Variants in TAFA2 observed in about 807,000 individuals in gnomAD.
TAFA2 encodes chemokine-like protein TAFA-2.
TAFA2 carries 7 observed loss-of-function variants against 18.8 expected under a neutral mutation model. The ratio of observed to expected loss-of-function variants is 0.37; its 90% CI spans 0.21 to 0.70. TAFA2 has a LOEUF of 0.70. TAFA2 is among the 30% of genes least tolerant of loss of function. The pLI is 0.53. For synonymous variants in TAFA2, 60 were observed against 54.2 expected, an observed-to-expected ratio of 1.11 and a Z score of -0.47; for missense variants, 122 against 158.1, an observed-to-expected ratio of 0.77 and a Z score of 1.23.
chr12:62,252,770 G>C (rs754819904), intron 1 of TAFA2: 3 of 152,168 alleles, frequency 2.0e-5, no homozygotes, highest in Non-Finnish European at 4.4e-5. Context: ...GAATCACATG[G>C]TCACGTGCTC....
chr12:61,850,592 G>A (rs934824808), intron 2 of TAFA2, among the ~76,000 whole-genome samples: 1 of 151,890 alleles, frequency 6.6e-6, no homozygotes, highest in Admixed American at 6.6e-5. Context: ...ACCAACACCA[G>A]GAAATCTATC....
chr12:62,206,898 G>A (rs894938091), intron 1 of TAFA2: 2 of 152,060 alleles, frequency 1.3e-5, no homozygotes, highest in Non-Finnish European at 1.5e-5. Flanking sequence ...ATGTTTCAAA[G>A]TATTGAGTTC....
At chr12:61,954,493 T>C (rs775954922) in intron 1 of TAFA2, among the ~76,000 whole-genome samples, 7 of 152,138 alleles carry the variant, frequency 4.6e-5, no homozygotes, top group Non-Finnish European at 1.0e-4. Context: ...TGGATTTGGT[T>C]ATTCTCAATA....
chr12:62,188,650 G>A (rs758845071), intron 1 of TAFA2, among the ~76,000 whole-genome samples: 1 of 151,980 alleles, frequency 6.6e-6, no homozygotes, highest in Non-Finnish European at 1.5e-5. Flanking sequence ...CCTTAAATGT[G>A]TATTTTAACA....
intron 1 of TAFA2, among the ~76,000 whole-genome samples, chr12:62,054,079 A>T (rs1211447856): frequency 1.3e-5 from 2 of 152,234 alleles, no homozygotes; most frequent in African/African-American, 4.8e-5. Flanking sequence ...AGCTCAACTC[A>T]GCATACATGA....
chr12:62,228,812 T>C (rs1218270824), intron 1 of TAFA2, among the ~76,000 whole-genome samples: 1 of 152,168 alleles, frequency 6.6e-6, no homozygotes, highest in East Asian at 1.9e-4. Flanking sequence ...TTGGGTAGCA[T>C]TGACATTTTA....
intron 2 of TAFA2, among the ~76,000 whole-genome samples, chr12:61,812,123 G>C (rs535918001): frequency 1.3e-5 from 2 of 151,336 alleles, no homozygotes; most frequent in East Asian, 1.9e-4. Context: ...AACCTGGCCT[G>C]GGAGTTTCCA....
chr12:61,935,341 C>G (rs1267322867), intron 1 of TAFA2, among the ~76,000 whole-genome samples: 1 of 149,094 alleles, frequency 6.7e-6, no homozygotes, highest in African/African-American at 2.6e-5. Flanking sequence ...CTGTCTATAT[C>G]TTTGGAAAAT....
At chr12:62,206,212 C>A (rs2062691057) in intron 1 of TAFA2, among the ~76,000 whole-genome samples, 1 of 152,114 alleles carries the variant, frequency 6.6e-6, no homozygotes, top group Non-Finnish European at 1.5e-5. Context: ...AACCAGCCAG[C>A]CTAGATATTT....
intron 1 of TAFA2, among the ~76,000 whole-genome samples, chr12:62,033,420 T>A (rs1026392080): frequency 4.6e-5 from 7 of 152,176 alleles, no homozygotes; most frequent in African/African-American, 1.4e-4. Flanking sequence ...TTGCTTTTTG[T>A]AATTGCACAT....
intron 2 of TAFA2, among the ~76,000 whole-genome samples, chr12:61,826,487 A>C (rs140576758): frequency 6.6e-6 from 1 of 152,164 alleles, no homozygotes; most frequent in East Asian, 1.9e-4. Flanking sequence ...AAACTGTTGA[A>C]ATAAAAGAAA....
intron 1 of TAFA2, among the ~76,000 whole-genome samples, chr12:61,950,408 C>T (rs1208132063): frequency 6.6e-6 from 1 of 152,138 alleles, no homozygotes; most frequent in Non-Finnish European, 1.5e-5. Context: ...TGGAATTCTC[C>T]ACATTCTTGC....
At chr12:62,232,470 G>C (rs2062815739) in intron 1 of TAFA2, among the ~76,000 whole-genome samples, 1 of 152,170 alleles carries the variant, frequency 6.6e-6, no homozygotes, top group Admixed American at 6.5e-5. Flanking sequence ...CTCATAGCCA[G>C]GAAATGGCAG....
At chr12:62,198,423 G>T (rs1163142702) in intron 1 of TAFA2, 1 of 152,164 alleles carries the variant, frequency 6.6e-6, no homozygotes, top group Non-Finnish European at 1.5e-5. Context: ...TCATTAGTAA[G>T]AATAAAGAGA....
At chr12:62,134,180 C>T (rs920574990) in intron 1 of TAFA2, among the ~76,000 whole-genome samples, 1 of 151,936 alleles carries the variant, frequency 6.6e-6, no homozygotes, top group Non-Finnish European at 1.5e-5. Context: ...CCCTGACAAA[C>T]CTACAGCCTT....
intron 2 of TAFA2, among the ~76,000 whole-genome samples, chr12:61,810,974 C>A (rs886956074): frequency 2.0e-5 from 3 of 150,154 alleles, no homozygotes; most frequent in Non-Finnish European, 2.9e-5. Flanking sequence ...GTTAATCTAT[C>A]GAGAATTGAT....
chr12:61,886,367 AC>A (rs549812727), intron 1 of TAFA2, among the ~76,000 whole-genome samples: 7 of 151,198 alleles, frequency 4.6e-5, no homozygotes, highest in Non-Finnish European at 7.4e-5. Flanking sequence ...TCTCGCTACC[AC>A]CCCCCTGCCC....
chr12:61,796,553 G>T (rs1416555125), intron 2 of TAFA2, among the ~76,000 whole-genome samples: 1 of 152,102 alleles, frequency 6.6e-6, no homozygotes, highest in East Asian at 1.9e-4. Context: ...ACTGGGAAGA[G>T]TAGGGAGGAG....
Position 62,021,630 on chromosome 12 carries a change from G to A in TAFA2, c.-1-154204C>T, listed in dbSNP as rs1359386339. 3 of 1,147,124 alleles carry A rather than the reference G, an allele frequency of 2.6e-6. No individual in the cohort carries two copies. The Admixed American group carries it at 5.1e-5, about 19-fold the overall frequency. 71.1% of individuals were successfully genotyped at this position (1,147,124 alleles called of 1,614,324 possible). A position where few individuals can be genotyped will look rare whatever the true frequency, so the allele number is the denominator to read the frequency against. On this transcript the variant is annotated intron_variant, in intron 1 of 4. Coordinates refer to ENST00000416284, the MANE Select transcript of TAFA2 (RefSeq NM_178539.5). ...CTGGCTTCCCACCCTTCTGTTCTGAGATGGGGTGGTGTGCAGTATCTCATC... is the reference window on the plus strand; with the variant it reads ...CTGGCTTCCCACCCTTCTGTTCTGAAATGGGGTGGTGTGCAGTATCTCATC...
Sources: gnomAD v4.1 joint callset for allele counts (sites outside exome capture counted in the v4.1 genomes callset) on GRCh38, gnomAD v4.1.1 for gene constraint, MANE v1.5 for transcripts, NCBI Gene and HGNC (gene_info 2026-07-23, HGNC 2026-07-21) for gene names.